The following EEA1 variants were observed in gnomAD, a reference collection of about 807,000 sequenced individuals.
EEA1 encodes early endosome antigen 1.
A neutral mutation model predicts 209.2 loss-of-function variants in EEA1; 111 were observed. The ratio of observed to expected loss-of-function variants is 0.53; its 90% CI spans 0.45 to 0.62. The LOEUF (loss-of-function observed/expected upper bound fraction) is 0.62, where lower values mean the gene tolerates loss of function less well. Among genes scored for constraint, EEA1 ranks in the 20% least tolerant of loss-of-function variants. The pLI, the probability that EEA1 is intolerant of heterozygous loss-of-function variation, is 0.00. For synonymous variants in EEA1, 536 were observed against 540.6 expected (o/e 0.99, Z 0.12); for missense variants, 1,343 against 1,530.8 (o/e 0.88, Z 2.05).
chr12:92,898,429 T>G (rs1036173446), intron 1 of EEA1, among the ~76,000 whole-genome samples: 5 of 152,122 alleles, frequency 3.3e-5, no homozygotes, highest in Admixed American at 3.3e-4. Context: ...TTTGGGAGGC[T>G]GAGGTGGGTG....
At chr12:92,845,324 T>C (rs534967181) in intron 9 of EEA1, among the ~76,000 whole-genome samples, 5 of 152,148 alleles carry the variant, frequency 3.3e-5, no homozygotes, top group Non-Finnish European at 7.4e-5. Flanking sequence ...CTATTGCACA[T>C]TATGAATCAT....
At chr12:92,849,594 C>T (rs938265010) in intron 9 of EEA1, among the ~76,000 whole-genome samples, 9 of 152,314 alleles carry the variant, frequency 5.9e-5, no homozygotes, top group African/African-American at 2.2e-4. Context: ...TTTGGAAAAA[C>T]TGCATCCAAA....
At position 92,832,627 on chromosome 12, in the gene EEA1, T is replaced by A. The variant is rs1277468977; in HGVS notation, c.1139A>T (p.Glu380Val). Residue 380 changes from glutamate (E) to valine (V), a missense_variant, in exon 11 of 29, where the codon GAA becomes GTA. By Grantham distance (121) the Glu-to-Val change is moderately radical (BLOSUM62 -2). This residue lies in a region of EEA1 where 1,307 missense variants were observed against 1,465.5 expected (regional missense o/e 0.89). Coordinates refer to ENST00000322349, the MANE Select transcript of EEA1 (RefSeq NM_003566.4). ...GTACTTGGTCTCTACCTCAGATAAT[T>A]CTTCTTTGAGCTTTTGAGTAGCTTC... ...KGEATQKLKEELSEVETKYQH... is the reference protein window; with the variant it reads ...KGEATQKLKEVLSEVETKYQH... 1 of 1,614,076 alleles carries A rather than the reference T, an allele frequency of 6.2e-7. No homozygotes were observed. Among genetic ancestry groups the A allele is most frequent in the South Asian group, 1.1e-5 (1 of 91,082 alleles).
chr12:92,917,641 T>C (rs1466726706), intron 1 of EEA1, among the ~76,000 whole-genome samples: 1 of 151,706 alleles, frequency 6.6e-6, no homozygotes, highest in Non-Finnish European at 1.5e-5. Context: ...TGCAAAATCA[T>C]GCCAAAATGT....
chr12:92,848,722 CTTTTTTTTTT>C (rs71069184), intron 9 of EEA1, among the ~76,000 whole-genome samples: 2,012 of 64,728 alleles, frequency 0.031, 31 homozygotes, highest in Middle Eastern at 0.091. Context: ...ATATTCTCAC[CTTTTTTTTTT>C]TTTTTTTTTT....
Position 92,832,538 on chromosome 12 carries a change from A to C in EEA1, c.1228T>G (p.Leu410Val), listed in dbSNP as rs1876702726. The part of the protein sequence containing the change: ...QQREEKEQHG[L>V]QLQSEINQLH... Reference sequence around the variant, plus strand: ...TGATTAATTTCACTTTGGAGTTGTAACCCATGCTGCTCCTTTTCTTCTCTC... The same window carrying C: ...TGATTAATTTCACTTTGGAGTTGTACCCCATGCTGCTCCTTTTCTTCTCTC... Residue 410 changes from leucine to valine, a missense_variant, in exon 11 of 29, where the codon TTA becomes GTA. Leu to Val is a conservative substitution (Grantham distance 32). Transcript: ENST00000322349. 2 of 1,612,458 alleles carry C rather than the reference A, an allele frequency of 1.2e-6. No homozygotes were observed. The highest frequency in any genetic ancestry group is 1.7e-6 in the Non-Finnish European group (2 of 1,179,544).
intron 1 of EEA1, among the ~76,000 whole-genome samples, chr12:92,892,351 C>A (rs1592761877): frequency 6.6e-6 from 1 of 152,098 alleles, no homozygotes; most frequent in African/African-American, 2.4e-5. Flanking sequence ...CTCCGCCTCC[C>A]AAAGTGCTGG....
chr12:92,782,284 T>C, intron 22 of EEA1, 149 bp from the exon 23 acceptor site: 1 of 458,362 alleles, frequency 2.2e-6, no homozygotes, highest in Non-Finnish European at 3.6e-6. Flanking sequence ...AGAGAAAGAA[T>C]TCTAAAATAT....
intron 1 of EEA1, among the ~76,000 whole-genome samples, chr12:92,907,140 G>A (rs1473815506): frequency 6.6e-6 from 1 of 152,082 alleles, no homozygotes. Context: ...GGGTTCCCAG[G>A]GAGTTTTCAT....
intron 2 of EEA1, among the ~76,000 whole-genome samples, chr12:92,870,680 T>C (rs140031524): frequency 5.4e-4 from 82 of 151,000 alleles, no homozygotes; most frequent in African/African-American, 2.0e-3. Flanking sequence ...TTTTTGGCGG[T>C]GGTGGGGCAG....
rs537488441 is a variant in EEA1 at position 92,821,986 on chromosome 12, A to G, written c.1525-2475T>C. On this transcript the variant is annotated intron_variant, in intron 13 of 28. Transcript: ENST00000322349. ...CTACTCTTCTTCTGATCCATGAGAC[A>G]TATATATATATACATATAACTACAT... 2.8e-5 allele frequency among the ~76,000 whole-genome samples: 4 copies of G among 144,406 alleles called. No individual in the cohort carries two copies. In the East Asian group the frequency reaches 8.5e-4, roughly 31 times the overall value. 94.7% of individuals were successfully genotyped at this position (144,406 alleles called of 152,430 possible).
At chr12:92,856,592 T>C (rs1877891378) in intron 5 of EEA1, among the ~76,000 whole-genome samples, 1 of 151,820 alleles carries the variant, frequency 6.6e-6, no homozygotes. Context: ...TTATAGCTAG[T>C]AATATCTCTT....
intron 1 of EEA1, among the ~76,000 whole-genome samples, chr12:92,917,793 G>A (rs1213222359): frequency 1.1e-5 from 1 of 93,738 alleles, no homozygotes; most frequent in East Asian, 2.9e-4. Flanking sequence ...AAAAGACACA[G>A]ACTGGCAAAT....
intron 2 of EEA1, among the ~76,000 whole-genome samples, chr12:92,868,855 G>A (rs950674803): frequency 6.6e-6 from 1 of 152,032 alleles, no homozygotes; most frequent in Non-Finnish European, 1.5e-5. Flanking sequence ...CTGAAAAGAT[G>A]TCTTCTACCC....
intron 1 of EEA1, among the ~76,000 whole-genome samples, chr12:92,898,258 GA>G (rs1259976766): frequency 6.6e-6 from 1 of 152,140 alleles, no homozygotes; most frequent in Non-Finnish European, 1.5e-5. Context: ...AGCATGCCAT[GA>G]CAAAGGGGAA....
At chr12:92,805,646 G>C (rs370123787) in intron 18 of EEA1, among the ~76,000 whole-genome samples, 10 of 152,324 alleles carry the variant, frequency 6.6e-5, no homozygotes, top group African/African-American at 2.4e-4. Context: ...AATGGTGAGT[G>C]ATGTGTTCAT....
Position 92,801,592 on chromosome 12 carries a change from A to C in EEA1, c.2772+8T>G, listed in dbSNP as rs1405256218. ...TACAGATTTTATGTTACAAAAAAAA[A>C]ATCTTACCTCCTTCTCTTTTTCAAG... On this transcript the variant is annotated splice_region_variant and intron_variant, in intron 20 of 28. Transcript: ENST00000322349. 2.6e-6 allele frequency: 4 copies of C among 1,563,884 alleles called. No homozygotes were observed. Among genetic ancestry groups the C allele is most frequent in the Non-Finnish European group, 3.5e-6 (4 of 1,158,368 alleles).
intron 10 of EEA1, 77 bp from the exon 11 acceptor site, chr12:92,832,927 C>T (rs923922215): frequency 1.9e-6 from 2 of 1,030,264 alleles, no homozygotes; most frequent in African/African-American, 1.6e-5. Context: ...ATCTTTGGAG[C>T]AGTACTGTCT....
At chr12:92,852,387 T>G (rs1565835584) in intron 7 of EEA1, 91 bp from the exon 8 acceptor site, 5 of 786,410 alleles carry the variant, frequency 6.4e-6, no homozygotes, top group South Asian at 3.7e-5. Context: ...TATATCACTC[T>G]AATTCAAATT....
Sources: allele counts gnomAD v4.1 joint callset (sites outside exome capture counted in the v4.1 genomes callset), GRCh38; gene constraint gnomAD v4.1.1; regional missense constraint gnomAD v4.1.1; transcripts MANE v1.5; gene names NCBI Gene and HGNC (gene_info 2026-07-23, HGNC 2026-07-21).